Variants in UGGT2 observed in about 807,000 individuals in gnomAD.
The protein encoded by UGGT2 is UDP-glucose glycoprotein glucosyltransferase 2, also known as UDP-glucose:glycoprotein glucosyltransferase 2.
UGGT2 carries 180 observed loss-of-function variants against 192.1 expected under a neutral mutation model. The observed-to-expected ratio is 0.94, with a 90% CI of 0.83 to 1.06. The LOEUF (loss-of-function observed/expected upper bound fraction) is 1.06, where lower values mean the gene tolerates loss of function less well. Ranked by LOEUF, UGGT2 falls within the 50% of genes least tolerant of loss-of-function variation. UGGT2 has a pLI of 0.00. For missense variants in UGGT2, 1,849 were observed against 1,795.7 expected (o/e 1.03, Z -0.54); for synonymous variants, 580 against 591.0 (o/e 0.98, Z 0.27).
At chr13:95,888,422 T>C (rs1434454696) in intron 25 of UGGT2, among the ~76,000 whole-genome samples, 1 of 152,176 alleles carries the variant, frequency 6.6e-6, no homozygotes, top group Non-Finnish European at 1.5e-5. Flanking sequence ...CCCTGGATAG[T>C]AAGAAGTAGA....
chr13:96,009,254 G>A (rs571466921), intron 5 of UGGT2, among the ~76,000 whole-genome samples: 2 of 152,200 alleles, frequency 1.3e-5, no homozygotes, highest in Admixed American at 6.5e-5. Flanking sequence ...AGATAACCTA[G>A]GAAATACCAT....
intron 17 of UGGT2, among the ~76,000 whole-genome samples, chr13:95,927,952 G>A (rs1359099037): frequency 6.6e-6 from 1 of 152,194 alleles, no homozygotes; most frequent in South Asian, 2.1e-4. Flanking sequence ...AGTGGACACA[G>A]CACATGTTTC....
chr13:95,933,017 T>C (rs2049339673), intron 17 of UGGT2, among the ~76,000 whole-genome samples: 1 of 152,202 alleles, frequency 6.6e-6, no homozygotes, highest in African/African-American at 2.4e-5. Flanking sequence ...CCATCTATGT[T>C]CATCAATGGT....
intron 33 of UGGT2, 29 bp downstream of exon 33, chr13:95,859,562 C>T (rs760513525): frequency 3.3e-6 from 5 of 1,502,498 alleles, no homozygotes; most frequent in African/African-American, 1.4e-5. Context: ...CAAACATTAA[C>T]CATTCTACAA....
intron 13 of UGGT2, 135 bp from the exon 14 acceptor site, chr13:95,948,216 AAT>A: frequency 5.1e-6 from 2 of 391,936 alleles, no homozygotes; most frequent in South Asian, 2.4e-5. Flanking sequence ...AATTCTAAGG[AAT>A]ACACACACAC....
intron 29 of UGGT2, among the ~76,000 whole-genome samples, chr13:95,868,485 T>C (rs1403264770): frequency 6.6e-6 from 1 of 152,106 alleles, no homozygotes; most frequent in Admixed American, 6.6e-5. Context: ...TGGTCCCAGC[T>C]AGTCAGGAGG....
intron 2 of UGGT2, among the ~76,000 whole-genome samples, chr13:96,027,340 T>C (rs1209334475): frequency 6.6e-6 from 1 of 152,188 alleles, no homozygotes; most frequent in African/African-American, 2.4e-5. Flanking sequence ...CAGGAGTTTA[T>C]AGAAAGTAAA....
rs1027168567 is a variant in UGGT2, at chr13:95,895,302, G to T, written c.2637C>A (p.Phe879Leu). 6.3e-6 allele frequency: 9 copies of T among 1,430,452 alleles called. No individual in the cohort carries two copies. The highest frequency in any genetic ancestry group is 6.7e-6 in the Non-Finnish European group (7 of 1,051,254). The allele number at this position is 1,430,452 out of a possible 1,614,324, so 88.6% of individuals were successfully genotyped here. ...AAAAATCTTCATCTAAAGGTCCTAA[G>T]AACTTAAAATAAAAACAGTTATATT... Reference protein sequence around the residue: ...GEMGIVSNGRFLGPLDEDFYA... With the variant: ...GEMGIVSNGRLLGPLDEDFYA... Residue 879 changes from phenylalanine (F) to leucine (L), a missense_variant and splice_region_variant, in exon 23 of 39, where the codon TTC becomes TTA. By Grantham distance (22) the Phe-to-Leu change is conservative (BLOSUM62 0). Coordinates refer to ENST00000376747, the MANE Select transcript of UGGT2 (RefSeq NM_020121.4).
At chr13:95,854,883 A>T (rs1889428567) in intron 34 of UGGT2, among the ~76,000 whole-genome samples, 1 of 152,100 alleles carries the variant, frequency 6.6e-6, no homozygotes, top group Non-Finnish European at 1.5e-5. Context: ...TTAAGTTTGA[A>T]TCATAAAGAA....
At chr13:95,829,873 T>C (rs1453946633) in intron 38 of UGGT2, among the ~76,000 whole-genome samples, 10 of 152,106 alleles carry the variant, frequency 6.6e-5, no homozygotes, top group African/African-American at 2.4e-4. Context: ...TACCTGACTT[T>C]AAACTACACT....
intron 21 of UGGT2, among the ~76,000 whole-genome samples, chr13:95,901,539 G>A (rs2048105006): frequency 6.6e-6 from 1 of 151,864 alleles, no homozygotes. Flanking sequence ...CCAATCACCT[G>A]GTATCTTATT....
chr13:95,834,042 T>TA (rs1228191014), intron 37 of UGGT2, among the ~76,000 whole-genome samples: 2 of 152,190 alleles, frequency 1.3e-5, no homozygotes, highest in African/African-American at 4.8e-5. Flanking sequence ...TTCTTTTCCA[T>TA]AGTGACATAT....
chr13:95,815,169 T>C (rs1884764784), intron 38 of UGGT2, among the ~76,000 whole-genome samples: 1 of 152,144 alleles, frequency 6.6e-6, no homozygotes, highest in Admixed American at 6.5e-5. Flanking sequence ...AAAACAGGCA[T>C]GGAAGGGTAT....
In UGGT2 at chr13:95,884,477, A is replaced by C. The variant is rs774988930; in HGVS notation, c.3228+14T>G. 26 of 1,595,156 alleles carry C rather than the reference A, an allele frequency of 1.6e-5. 1 individual carries two copies. In the Admixed American group the frequency reaches 4.3e-4, roughly 27 times the overall value. On this transcript the variant is annotated intron_variant, in intron 27 of 38. Coordinates refer to ENST00000376747, the MANE Select transcript of UGGT2 (RefSeq NM_020121.4). ...TGTTTCTCTCTCTTTATATGACTAT[A>C]CACAATAACTTACATCCTTTAAGTG...
intron 22 of UGGT2, among the ~76,000 whole-genome samples, chr13:95,899,508 A>G (rs1309632511): frequency 6.6e-6 from 1 of 152,134 alleles, no homozygotes; most frequent in Non-Finnish European, 1.5e-5. Context: ...TTTATGAGAA[A>G]TAAGTTGAAC....
rs772083122 is a variant in UGGT2, at chr13:95,859,635, C to T, written c.3781G>A (p.Val1261Met). ...LSVLRNTKTP[V>M]KFWLLKNYLS... ...TAATTTTTTAGCAACCAGAATTTCA[C>T]TGGTGTTTTGGTGTTACGCAAAACA... Residue 1261 changes from valine (V) to methionine (M), a missense_variant, in exon 33 of 39, where the codon GTG (valine) becomes ATG (methionine). Val to Met is a conservative substitution (Grantham distance 21, BLOSUM62 1). Transcript: ENST00000376747. 1.9e-6 allele frequency: 3 copies of T among 1,610,486 alleles called. No homozygotes were observed. The highest frequency in any genetic ancestry group is 2.5e-6 in the Non-Finnish European group (3 of 1,178,090).
chr13:96,030,855 A>G (rs2052811731), intron 2 of UGGT2, among the ~76,000 whole-genome samples: 1 of 152,256 alleles, frequency 6.6e-6, no homozygotes, highest in South Asian at 2.1e-4. Flanking sequence ...ATAAAAACAG[A>G]AATTACTATC....
At chr13:95,985,555 A>C (rs1353334039) in intron 9 of UGGT2, among the ~76,000 whole-genome samples, 2 of 152,158 alleles carry the variant, frequency 1.3e-5, no homozygotes, top group African/African-American at 2.4e-5. Context: ...CTAAGCTAGT[A>C]GACTGCTCTC....
intron 38 of UGGT2, among the ~76,000 whole-genome samples, chr13:95,828,776 T>G (rs1886327860): frequency 6.6e-6 from 1 of 152,144 alleles, no homozygotes; most frequent in Non-Finnish European, 1.5e-5. Context: ...CTGAAACTAT[T>G]CCAATTAATA....
Sources: allele counts gnomAD v4.1 joint callset (sites outside exome capture counted in the v4.1 genomes callset), GRCh38; gene constraint gnomAD v4.1.1; transcripts MANE v1.5; gene names NCBI Gene and HGNC (gene_info 2026-07-23, HGNC 2026-07-21).